Variants in BANK1 observed in about 807,000 individuals in gnomAD.
The protein encoded by BANK1 is B-cell scaffold protein with ankyrin repeats.
BANK1 carries 95 observed loss-of-function variants against 94.5 expected under a neutral mutation model. That is an observed-to-expected ratio of 1.00 (90% CI 0.85 to 1.19). The LOEUF (loss-of-function observed/expected upper bound fraction) is 1.19, where lower values mean the gene tolerates loss of function less well. Among genes scored for constraint, BANK1 ranks in the 50% most tolerant of loss-of-function variants. The probability of loss-of-function intolerance (pLI) is 0.00; values close to 1 mark genes in which losing one functional copy is unlikely to be tolerated. For missense variants in BANK1, 987 were observed against 932.2 expected, an observed-to-expected ratio of 1.06 and a Z score of -0.77; for synonymous variants, 334 against 308.4, an observed-to-expected ratio of 1.08 and a Z score of -0.87.
chr4:102,004,755 T>C lies in BANK1; in HGVS notation c.1207-16759T>C, dbSNP rs1726191916. Reference sequence around the variant, plus strand: ...TGGCACATTAAGGGTCAAGTAAAAATCATGAGAAAATACCTTGTGTGGCTT... The same window carrying C: ...TGGCACATTAAGGGTCAAGTAAAAACCATGAGAAAATACCTTGTGTGGCTT... On this transcript the variant is annotated intron_variant, in intron 7 of 16. Coordinates refer to ENST00000322953, the MANE Select transcript of BANK1 (RefSeq NM_017935.5). Among the ~76,000 whole-genome samples, 6 of 152,100 alleles carry C rather than the reference T, an allele frequency of 3.9e-5. No individual in the cohort carries two copies. In the South Asian group the frequency reaches 1.2e-3, roughly 31 times the overall value.
At chr4:101,796,365 A>T (rs1020022549) in intron 1 of BANK1, among the ~76,000 whole-genome samples, 1 of 152,106 alleles carries the variant, frequency 6.6e-6, no homozygotes, top group African/African-American at 2.4e-5. Flanking sequence ...GCATACCTTT[A>T]TTTATCAAAA....
intron 7 of BANK1, among the ~76,000 whole-genome samples, chr4:101,962,452 C>G: frequency 6.6e-6 from 1 of 152,114 alleles, no homozygotes; most frequent in Non-Finnish European, 1.5e-5. Context: ...GTAGATGACC[C>G]CAAATATTCA....
intron 11 of BANK1, among the ~76,000 whole-genome samples, chr4:102,059,359 G>T (rs752314987): frequency 5.3e-5 from 8 of 152,162 alleles, no homozygotes; most frequent in Non-Finnish European, 7.4e-5. Flanking sequence ...AAAGTATGTT[G>T]CACTTAATGG....
chr4:102,023,105 A>T (rs1052086778), intron 8 of BANK1, among the ~76,000 whole-genome samples: 45 of 152,124 alleles, frequency 3.0e-4, no homozygotes, highest in African/African-American at 1.1e-3. Context: ...AGGGCTTTTT[A>T]TTCACTGTTT....
chr4:101,936,617 A>G (rs1304926822), intron 7 of BANK1, among the ~76,000 whole-genome samples: 1 of 151,270 alleles, frequency 6.6e-6, no homozygotes, highest in East Asian at 2.0e-4. Flanking sequence ...CTATAGGAAA[A>G]AAAATTAATT....
intron 7 of BANK1, among the ~76,000 whole-genome samples, chr4:102,012,488 T>G (rs908415360): frequency 6.6e-6 from 1 of 152,186 alleles, no homozygotes; most frequent in African/African-American, 2.4e-5. Context: ...CAATATAAAC[T>G]TTAAGACTCT....
At chr4:101,870,362 G>T in intron 4 of BANK1, 143 bp from the exon 5 acceptor site, 2 of 693,956 alleles carry the variant, frequency 2.9e-6, no homozygotes, top group South Asian at 5.8e-5. Flanking sequence ...CAACTACCAA[G>T]AATTTTAAAA....
At chr4:102,024,280 A>C (rs1727007050) in intron 8 of BANK1, among the ~76,000 whole-genome samples, 1 of 152,154 alleles carries the variant, frequency 6.6e-6, no homozygotes, top group Non-Finnish European at 1.5e-5. Context: ...GACAAGGAAA[A>C]CAATTCACAT....
At chr4:101,998,250 G>T (rs1237170851) in intron 7 of BANK1, among the ~76,000 whole-genome samples, 1 of 152,048 alleles carries the variant, frequency 6.6e-6, no homozygotes, top group East Asian at 1.9e-4. Flanking sequence ...TTAATCCTGA[G>T]TTCTAATTTG....
chr4:102,004,922 G>A (rs541434898), intron 7 of BANK1, among the ~76,000 whole-genome samples: 14 of 152,180 alleles, frequency 9.2e-5, no homozygotes, highest in East Asian at 7.7e-4. Flanking sequence ...TGAATGCTAC[G>A]TGTAATATTC....
chr4:101,950,201 G>T (rs1056223566), intron 7 of BANK1, among the ~76,000 whole-genome samples: 7 of 152,110 alleles, frequency 4.6e-5, no homozygotes, highest in African/African-American at 1.4e-4. Flanking sequence ...GGATCTGCTG[G>T]TAGAGGTTTT....
intron 11 of BANK1, among the ~76,000 whole-genome samples, chr4:102,053,487 G>GAAA (rs1401706177): frequency 6.6e-6 from 1 of 151,998 alleles, no homozygotes; most frequent in Non-Finnish European, 1.5e-5. Context: ...GTTTATTTGA[G>GAAA]AAAAAACTTC....
At chr4:101,830,344 G>GA in intron 2 of BANK1, 138 bp downstream of exon 2, 1 of 684,136 alleles carries the variant, frequency 1.5e-6, no homozygotes. Flanking sequence ...TTATTCAACA[G>GA]TATGTTGTAC....
At chr4:101,793,393 A>T (rs1429225509) in intron 1 of BANK1, among the ~76,000 whole-genome samples, 4 of 152,228 alleles carry the variant, frequency 2.6e-5, no homozygotes, top group Non-Finnish European at 5.9e-5. Context: ...AAATGTTCTG[A>T]TAAGGTCACT....
chr4:101,909,189 A>T (rs1239441368), intron 6 of BANK1, among the ~76,000 whole-genome samples: 1 of 152,220 alleles, frequency 6.6e-6, no homozygotes, highest in Admixed American at 6.5e-5. Context: ...TGGCAAATAT[A>T]CACCATGGAA....
At chr4:101,935,925 A>G (rs1161954364) in intron 7 of BANK1, among the ~76,000 whole-genome samples, 1 of 151,550 alleles carries the variant, frequency 6.6e-6, no homozygotes, top group Non-Finnish European at 1.5e-5. Context: ...AAAATGGATT[A>G]AAGACTTAAA....
At chr4:101,857,100 A>G (rs968905941) in intron 3 of BANK1, among the ~76,000 whole-genome samples, 2 of 152,168 alleles carry the variant, frequency 1.3e-5, no homozygotes, top group Non-Finnish European at 2.9e-5. Context: ...TGAAAGCACA[A>G]CCTTTGAATT....
At chr4:101,989,926 G>T (rs572576770) in intron 7 of BANK1, among the ~76,000 whole-genome samples, 62 of 152,092 alleles carry the variant, frequency 4.1e-4, no homozygotes, top group Non-Finnish European at 5.9e-4. Flanking sequence ...TTCAACCAAA[G>T]ATACTTTTAA....
intron 7 of BANK1, among the ~76,000 whole-genome samples, chr4:101,921,596 T>C (rs1462323725): frequency 6.6e-6 from 1 of 151,874 alleles, no homozygotes; most frequent in East Asian, 1.9e-4. Flanking sequence ...TCCATTCCCA[T>C]CCGTTTAGAA....
Sources: allele counts gnomAD v4.1 joint callset (sites outside exome capture counted in the v4.1 genomes callset), GRCh38; gene constraint gnomAD v4.1.1; transcripts MANE v1.5; gene names NCBI Gene and HGNC (gene_info 2026-07-23, HGNC 2026-07-21).